The following ADARB1 variants were observed in gnomAD, a reference collection of about 807,000 sequenced individuals.
The protein encoded by ADARB1 is adenosine deaminase RNA specific B1, also known as double-stranded RNA-specific editase 1.
Under a neutral mutation model 52.4 loss-of-function variants are expected in ADARB1, and 10 were observed. That is an observed-to-expected ratio of 0.19 (90% CI 0.12 to 0.32). The LOEUF (loss-of-function observed/expected upper bound fraction) is 0.32, where lower values mean the gene tolerates loss of function less well. Among genes scored for constraint, ADARB1 ranks in the 10% least tolerant of loss-of-function variants. The pLI is 1.00. For synonymous variants in ADARB1, 349 were observed against 371.1 expected (o/e 0.94, Z 0.68); for missense variants, 643 against 922.3 (o/e 0.70, Z 3.92).
intron 1 of ADARB1, among the ~76,000 whole-genome samples, chr21:45,103,814 C>T (rs977795158): frequency 8.5e-5 from 13 of 152,218 alleles, no homozygotes; most frequent in African/African-American, 2.2e-4. Flanking sequence ...CTAAAAATAA[C>T]GTTTACTTTA....
intron 9 of ADARB1, among the ~76,000 whole-genome samples, chr21:45,214,687 G>A (rs2092829584): frequency 6.6e-6 from 1 of 152,188 alleles, no homozygotes; most frequent in African/African-American, 2.4e-5. Context: ...CAGCTGGCAT[G>A]TATATATACA....
chr21:45,096,325 C>T (rs769542866), intron 1 of ADARB1, among the ~76,000 whole-genome samples: 3 of 152,230 alleles, frequency 2.0e-5, no homozygotes, highest in Non-Finnish European at 4.4e-5. Flanking sequence ...GGGACAAGTG[C>T]CCCCTCTGCT....
At chr21:45,161,336 C>G (rs988903535) in intron 2 of ADARB1, among the ~76,000 whole-genome samples, 2 of 152,220 alleles carry the variant, frequency 1.3e-5, no homozygotes, top group African/African-American at 4.8e-5. Context: ...GGAAGCCCCC[C>G]TGCCCCGACA....
intron 2 of ADARB1, among the ~76,000 whole-genome samples, chr21:45,164,160 C>T (rs1461033204): frequency 6.6e-6 from 1 of 152,164 alleles, no homozygotes; most frequent in Non-Finnish European, 1.5e-5. Context: ...CAGGCACCAT[C>T]GAGGATGTGT....
chr21:45,137,760 G>C (rs2089474780), intron 2 of ADARB1, among the ~76,000 whole-genome samples: 1 of 152,006 alleles, frequency 6.6e-6, no homozygotes, highest in African/African-American at 2.4e-5. Flanking sequence ...GGGATGGAAG[G>C]AGGTGTGCCC....
chr21:45,196,651 G>C (rs1483183162), intron 8 of ADARB1, among the ~76,000 whole-genome samples: 1 of 152,182 alleles, frequency 6.6e-6, no homozygotes, highest in Non-Finnish European at 1.5e-5. Flanking sequence ...GGGGAAAATA[G>C]TTTTTAAAAT....
chr21:45,164,730 T>A (rs578126174), intron 2 of ADARB1, among the ~76,000 whole-genome samples: 15 of 152,178 alleles, frequency 9.9e-5, no homozygotes, highest in African/African-American at 3.4e-4. Context: ...TTTTTATTTA[T>A]AAGGACATAA....
rs2092990168 is a variant in ADARB1 at position 45,222,875 on chromosome 21, T to C, written c.*678T>C. 1 of 985,466 alleles carries C rather than the reference T, an allele frequency of 1.0e-6. No individual in the cohort carries two copies. The highest frequency in any genetic ancestry group is 4.7e-5 in the South Asian group (1 of 21,290). The allele number at this position is 985,466 out of a possible 1,614,324, so 61.0% of individuals were successfully genotyped here. ...GCACATGGGGTCCCGCAGCAGTGAC[T>C]GTGTGTCCTGCAGAGGCGTGACCCA... On this transcript the variant is annotated 3_prime_UTR_variant, in exon 11 of 11. Coordinates refer to ENST00000348831, the MANE Select transcript of ADARB1 (RefSeq NM_001112.4).
intron 9 of ADARB1, among the ~76,000 whole-genome samples, chr21:45,209,167 A>T (rs981700641): frequency 6.6e-6 from 1 of 151,668 alleles, no homozygotes. Flanking sequence ...TTTATTCCAC[A>T]CTCTTCCCAT....
intron 9 of ADARB1, among the ~76,000 whole-genome samples, chr21:45,213,065 G>A (rs1156528003): frequency 6.6e-6 from 1 of 152,144 alleles, no homozygotes; most frequent in African/African-American, 2.4e-5. Flanking sequence ...GAGGGCAGGG[G>A]GATGGTGAAG....
intron 1 of ADARB1, among the ~76,000 whole-genome samples, chr21:45,124,380 T>C (rs943350009): frequency 6.6e-6 from 1 of 152,136 alleles, no homozygotes; most frequent in South Asian, 2.1e-4. Context: ...TTCTTCTCTT[T>C]TCTTTTTCTT....
intron 2 of ADARB1, among the ~76,000 whole-genome samples, chr21:45,136,623 C>T (rs1320360091): frequency 6.6e-6 from 1 of 152,248 alleles, no homozygotes; most frequent in East Asian, 1.9e-4. Context: ...CAGACCAGTC[C>T]TGTGGGGACA....
At chr21:45,093,063 C>T (rs1395744548) in intron 1 of ADARB1, among the ~76,000 whole-genome samples, 2 of 152,114 alleles carry the variant, frequency 1.3e-5, no homozygotes, top group African/African-American at 2.4e-5. Flanking sequence ...TACCCCACCC[C>T]ACCCCCAAAT....
intron 7 of ADARB1, among the ~76,000 whole-genome samples, chr21:45,184,060 C>T (rs571568349): frequency 6.6e-6 from 1 of 152,236 alleles, no homozygotes; most frequent in East Asian, 1.9e-4. Flanking sequence ...ACATTACTTT[C>T]CTTGTTTATA....
chr21:45,190,327 T>G (rs139026566), intron 8 of ADARB1, among the ~76,000 whole-genome samples: 225 of 152,336 alleles, frequency 1.5e-3, no homozygotes, highest in Non-Finnish European at 2.5e-3. Context: ...TATGCTCATT[T>G]TGTTCTTGCT....
At chr21:45,095,530 C>T (rs2086722561) in intron 1 of ADARB1, among the ~76,000 whole-genome samples, 1 of 152,222 alleles carries the variant, frequency 6.6e-6, no homozygotes, top group African/African-American at 2.4e-5. Context: ...TCTGTCTCTC[C>T]ATCCCGCTGT....
rs762979256 is a variant in ADARB1, at chr21:45,163,753, C to CAG, written c.-47-7857_-47-7856insAG. ...GGACGGTGTGCTCCCTGGGCCTGCTCGGGGATGCTGAGTACCAGGCAGCAG... is the reference window on the plus strand; with the variant it reads ...GGACGGTGTGCTCCCTGGGCCTGCTCAGGGGGATGCTGAGTACCAGGCAGCAG... On this transcript the variant is annotated intron_variant, in intron 2 of 10. Coordinates refer to ENST00000348831, the MANE Select transcript of ADARB1 (RefSeq NM_001112.4). Among the ~76,000 whole-genome samples, 112 of 152,260 alleles carry CAG rather than the reference C, an allele frequency of 7.4e-4. No homozygotes were observed. In the Middle Eastern group the frequency reaches 0.014, roughly 18 times the overall value.
intron 1 of ADARB1, among the ~76,000 whole-genome samples, chr21:45,109,115 G>A (rs1043736808): frequency 7.9e-5 from 12 of 152,228 alleles, no homozygotes; most frequent in African/African-American, 4.8e-5. Context: ...ACCAGTCTGC[G>A]CTGCTGCCTC....
chr21:45,076,927 T>G (rs894118522), intron 1 of ADARB1, among the ~76,000 whole-genome samples: 7 of 152,170 alleles, frequency 4.6e-5, no homozygotes, highest in Non-Finnish European at 1.5e-5. Context: ...AAGCAGTACA[T>G]TTGTATTGAT....
Sources: gnomAD v4.1 joint callset for allele counts (sites outside exome capture counted in the v4.1 genomes callset) on GRCh38, gnomAD v4.1.1 for gene constraint, MANE v1.5 for transcripts, NCBI Gene and HGNC (gene_info 2026-07-23, HGNC 2026-07-21) for gene names.